ZC3H4: variants seen among roughly 807,000 people sequenced by gnomAD.
ZC3H4 encodes the protein zinc finger CCCH domain-containing protein 4.
A neutral mutation model predicts 108.3 loss-of-function variants in ZC3H4; 13 were observed. That is an observed-to-expected ratio of 0.12 (90% CI 0.08 to 0.19). The LOEUF is 0.19. ZC3H4 is among the 10% of genes least tolerant of loss of function. The pLI is 1.00. For missense variants in ZC3H4, 1,734 were observed against 1,838.8 expected (o/e 0.94, Z 1.04); for synonymous variants, 917 against 749.6 (o/e 1.22, Z -3.65).
chr19:47,093,215 CAAAAAAA>C (rs918382221), intron 4 of ZC3H4, among the ~76,000 whole-genome samples: 9 of 48,418 alleles, frequency 1.9e-4, no homozygotes, highest in South Asian at 7.8e-4. Flanking sequence ...GACTCTGCCT[CAAAAAAA>C]AAAAAAAAAA....
chr19:47,072,534 G>GCCC lies in ZC3H4; in HGVS notation c.1619_1620insGGG (p.Gly540dup). The GCCC allele has an allele frequency of 1.6e-6, 1 of 624,546 alleles. No individual in the cohort carries two copies. Among genetic ancestry groups the GCCC allele is most frequent in the Non-Finnish European group, 2.5e-6 (1 of 395,732 alleles). 38.7% of individuals were successfully genotyped at this position (624,546 alleles called of 1,614,324 possible). A position where few individuals can be genotyped will look rare whatever the true frequency, so the allele number is the denominator to read the frequency against. The stretch of plus-strand genomic sequence containing the variant: ...GAGGGGGAGGGGGCGGGGGCGGGGG[G>GCCC]CCACCCTGCATGGGCCTGCCGTTGG... On this transcript the variant is annotated inframe_insertion, in exon 12 of 15. Transcript: ENST00000253048. This position sits in a 1 kb window ranked among gnomAD's most constrained non-coding sequence, Gnocchi z 5.6.
chr19:47,112,473 G>T lies in ZC3H4; in HGVS notation c.112C>A (p.Pro38Thr). The T allele has an allele frequency of 8.3e-7, 1 of 1,199,536 alleles. No homozygotes were observed. The highest frequency in any genetic ancestry group is 1.1e-6 in the Non-Finnish European group (1 of 951,364). The allele number at this position is 1,199,536 out of a possible 1,614,324, so 74.3% of individuals were successfully genotyped here. ...TGGTGGAGGAGGTGCGGGGTGGCCG[G>T]GCGGGCGTCGGGGGAACACGGAGGA... Reference protein sequence around the residue: ...SPPPCSPDARPATPHLLHHRL... With the variant: ...SPPPCSPDARTATPHLLHHRL... Residue 38 changes from proline to threonine, a missense_variant, in exon 2 of 15, where the codon CCG (proline) becomes ACG (threonine). Transcript: ENST00000253048.
rs752854767 is a variant in ZC3H4 at position 47,085,117 on chromosome 19, C to T, written c.1046G>A (p.Arg349Gln). The stretch of plus-strand genomic sequence containing the variant: ...CATTCCGCCCTTGTTCATCCCTCCT[C>T]GGCTGCCACCTCGGCCTCGGCCCCG... Reference protein sequence around the residue: ...MGRGRGRGGSRGGMNKGGMND... With the variant: ...MGRGRGRGGSQGGMNKGGMND... Residue 349 changes from arginine to glutamine, a missense_variant, in exon 8 of 15, where the codon CGA (arginine) becomes CAA (glutamine). Around this residue, in one of 9 missense-constraint regions of ZC3H4, gnomAD observed 403 missense variants for 457.0 expected, o/e 0.88. Coordinates refer to ENST00000253048, the MANE Select transcript of ZC3H4 (RefSeq NM_015168.2). 5 of 1,614,236 alleles carry T rather than the reference C, an allele frequency of 3.1e-6. No homozygotes were observed. The highest frequency in any genetic ancestry group is 1.1e-5 in the South Asian group (1 of 91,088).
chr19:47,101,866 T>C (rs2057908231), intron 2 of ZC3H4, among the ~76,000 whole-genome samples: 1 of 146,554 alleles, frequency 6.8e-6, no homozygotes, highest in African/African-American at 2.5e-5. Context: ...AGACTCTGTC[T>C]CGAAAAAAAA....
intron 11 of ZC3H4, among the ~76,000 whole-genome samples, chr19:47,081,129 A>T (rs912164133): frequency 1.3e-5 from 2 of 152,062 alleles, no homozygotes; most frequent in African/African-American, 4.8e-5. Flanking sequence ...TGAACTCCTG[A>T]GCTCAACTGA....
intron 5 of ZC3H4, among the ~76,000 whole-genome samples, chr19:47,087,276 TCACACA>T (rs1009071406): frequency 7.0e-6 from 1 of 143,178 alleles, no homozygotes; most frequent in South Asian, 2.2e-4. Context: ...ACCCCGTCTC[TCACACA>T]CACACACACA....
chr19:47,082,662 AC>A (rs2057545233), intron 9 of ZC3H4, among the ~76,000 whole-genome samples: 1 of 152,102 alleles, frequency 6.6e-6, no homozygotes. Flanking sequence ...TTCCTCCCAG[AC>A]CTTGGATGTG....
At chr19:47,085,820 T>A (rs1269108558) in intron 6 of ZC3H4, among the ~76,000 whole-genome samples, 1 of 152,168 alleles carries the variant, frequency 6.6e-6, no homozygotes, top group African/African-American at 2.4e-5. Flanking sequence ...TCAGGAAACT[T>A]CTCTCTAGTG....
chr19:47,099,251 G>A (rs573415558), intron 2 of ZC3H4, among the ~76,000 whole-genome samples: 1 of 152,044 alleles, frequency 6.6e-6, no homozygotes, highest in African/African-American at 2.4e-5. Flanking sequence ...CCTGAGGTCG[G>A]GAGTTCAAGA....
rs761035582 is a variant in ZC3H4, at chr19:47,066,717, T to C, written c.3551A>G (p.Lys1184Arg). ...AEGNGKSSAS[K>R]AKEPPFVRKS... ...GCGGACGAACGGGGGCTCCTTAGCC[T>C]TGGAGGCCGAGCTCTTGCCATTGCC... Residue 1184 changes from lysine (K) to arginine (R), a missense_variant, in exon 15 of 15, where the codon AAG becomes AGG. Around this residue, in one of 9 missense-constraint regions of ZC3H4, gnomAD observed 518 missense variants for 499.6 expected, o/e 1.04. Transcript: ENST00000253048. 4 of 1,608,110 alleles carry C rather than the reference T, an allele frequency of 2.5e-6. No individual in the cohort carries two copies. The highest frequency in any genetic ancestry group is 3.4e-6 in the Non-Finnish European group (4 of 1,178,562).
At position 47,066,246 on chromosome 19, in the gene ZC3H4, A is replaced by G. The variant is rs576929737; in HGVS notation, c.*110T>C. On this transcript the variant is annotated 3_prime_UTR_variant, in exon 15 of 15. Transcript: ENST00000253048. ...ACGGAAAGCAAAAGAAAAAGAAAAG[A>G]AAAAAGGAACACCCAGCCTGCCTCC... 31 of 820,802 alleles carry G rather than the reference A, an allele frequency of 3.8e-5. No homozygotes were observed. The African/African-American group carries it at 5.5e-4, about 15-fold the overall frequency. 50.8% of individuals were successfully genotyped at this position (820,802 alleles called of 1,614,324 possible).
intron 11 of ZC3H4, among the ~76,000 whole-genome samples, chr19:47,073,459 C>A (rs2057364483): frequency 6.6e-6 from 1 of 152,126 alleles, no homozygotes; most frequent in African/African-American, 2.4e-5. Flanking sequence ...GTAATCCCAG[C>A]TACTCAGGAG....
intron 9 of ZC3H4, 150 bp downstream of exon 9, chr19:47,084,195 G>C: frequency 2.9e-6 from 2 of 698,140 alleles, no homozygotes; most frequent in South Asian, 3.7e-5. Context: ...GGCCGCCCAG[G>C]CAACTCCCAG....
At position 47,085,242 on chromosome 19, in the gene ZC3H4, C is replaced by T. The variant is rs772830411; in HGVS notation, c.968-47G>A. 1.9e-6 allele frequency: 3 copies of T among 1,578,366 alleles called. No homozygotes were observed. The South Asian group carries it at 3.4e-5, about 18-fold the overall frequency. On this transcript the variant is annotated intron_variant, in intron 7 of 14. Coordinates refer to ENST00000253048, the MANE Select transcript of ZC3H4 (RefSeq NM_015168.2). ...AAGACCTGCTGACCACCCCCTCCCC[C>T]ACCCCCAGGACTAGATTCCAGCAGC... is the stretch of plus-strand genomic sequence containing the variant.
rs140921369 is a variant in ZC3H4, at chr19:47,072,049, G to A, written c.1875C>T (p.Gly625=). Residue 625 remains glycine, a synonymous_variant, in exon 13 of 15, where the codon GGC becomes GGT. Coordinates refer to ENST00000253048, the MANE Select transcript of ZC3H4 (RefSeq NM_015168.2). The surrounding 1 kb of genome is among the most constrained non-coding windows in gnomAD (Gnocchi z 5.6). ...GPNMGPPGPM[G]GPMHPDMHPD... is the part of the protein sequence containing the mutation. ...GGTGCATGTCAGGATGCATTGGACC[G>A]CCCATTGGCCCTGGGGGTCCCATGT... The A allele has an allele frequency of 1.8e-4, 292 of 1,583,580 alleles. 5 individuals carry two copies. The East Asian group carries it at 5.9e-3, about 32-fold the overall frequency.
chr19:47,066,979 G>T lies in ZC3H4; in HGVS notation c.3289C>A (p.Pro1097Thr), dbSNP rs1256661384. Residue 1097 changes from proline to threonine, a missense_variant, in exon 15 of 15, where the codon CCC becomes ACC. Physicochemically the swap from Pro to Thr is conservative, Grantham distance 38. Around this residue, in one of 9 missense-constraint regions of ZC3H4, gnomAD observed 518 missense variants for 499.6 expected, o/e 1.04. Transcript: ENST00000253048. ...DSTASSRAAK[P>T]GPAEAPSPTA... ...GGAGAGGGCGCCTCAGCAGGGCCGG[G>T]CTTGGCAGCCCGGGAGGAGGCCGTA... The T allele has an allele frequency of 1.9e-6, 3 of 1,590,124 alleles. No individual in the cohort carries two copies. The highest frequency in any genetic ancestry group is 2.6e-6 in the Non-Finnish European group (3 of 1,168,452).
In ZC3H4 at chr19:47,090,207, G is replaced by A. The variant is rs2057707685; in HGVS notation, c.493-18C>T. 2 of 1,613,794 alleles carry A rather than the reference G, an allele frequency of 1.2e-6. No individual in the cohort carries two copies. Among genetic ancestry groups the A allele is most frequent in the Admixed American group, 3.3e-5 (2 of 60,000 alleles). On this transcript the variant is annotated intron_variant, in intron 4 of 14. Transcript: ENST00000253048. ...TGGTGGGACTGCGTCCCAGAGATGG[G>A]GAAAAGAGGTGAGCCGGATCCCACA...
intron 1 of ZC3H4, among the ~76,000 whole-genome samples, chr19:47,112,977 G>A (rs951653838): frequency 2.6e-5 from 4 of 152,184 alleles, no homozygotes; most frequent in African/African-American, 9.6e-5. Flanking sequence ...GAGCGAGGGG[G>A]GTGGGGGGTT....
At chr19:47,085,467 A>G in intron 6 of ZC3H4, 53 bp from the exon 7 acceptor site, 2 of 1,445,690 alleles carry the variant, frequency 1.4e-6, no homozygotes, top group Non-Finnish European at 1.9e-6. Context: ...AACAATGAAC[A>G]CTGTCCCCAC....
Sources: allele counts gnomAD v4.1 joint callset (sites outside exome capture counted in the v4.1 genomes callset), GRCh38; gene constraint gnomAD v4.1.1; regional missense constraint gnomAD v4.1.1; non-coding constraint Gnocchi (gnomAD v3.1); transcripts MANE v1.5; gene names NCBI Gene and HGNC (gene_info 2026-07-23, HGNC 2026-07-21).